LPGAT1: variants seen among roughly 807,000 people sequenced by gnomAD.
LPGAT1 encodes lysophosphatidylglycerol acyltransferase 1, also known as acyl-CoA:lysophosphatidylglycerol acyltransferase 1.
A neutral mutation model predicts 47.5 loss-of-function variants in LPGAT1; 11 were observed. That is an observed-to-expected ratio of 0.23 (90% CI 0.15 to 0.38). The LOEUF is 0.38. Ranked by LOEUF, LPGAT1 falls within the 10% of genes least tolerant of loss-of-function variation. The pLI, the probability that LPGAT1 is intolerant of heterozygous loss-of-function variation, is 1.00. For synonymous variants in LPGAT1, 138 were observed against 144.2 expected, an observed-to-expected ratio of 0.96 and a Z score of 0.31; for missense variants, 293 against 439.0, an observed-to-expected ratio of 0.67 and a Z score of 2.97.
At chr1:211,822,650 T>C (rs10863926) in intron 2 of LPGAT1, among the ~76,000 whole-genome samples, 148,301 of 152,062 alleles carry the variant, frequency 0.98, 72,331 homozygotes, top group East Asian at 1. Context: ...TGGTGGTACA[T>C]GCCTGTAATC....
intron 6 of LPGAT1, 68 bp from the exon 7 acceptor site, chr1:211,751,135 A>C: frequency 2.0e-6 from 2 of 981,846 alleles, no homozygotes; most frequent in Non-Finnish European, 3.1e-6. Context: ...CAGAACCACA[A>C]CTTATGATGA....
chr1:211,779,249 C>T (rs112044608), intron 5 of LPGAT1, among the ~76,000 whole-genome samples: 1 of 151,942 alleles, frequency 6.6e-6, no homozygotes, highest in Non-Finnish European at 1.5e-5. Flanking sequence ...GGATGAACCT[C>T]GAAACAAAGA....
chr1:211,829,731 G>T (rs1048752758), intron 1 of LPGAT1: 2 of 1,013,104 alleles, frequency 2.0e-6, no homozygotes, highest in Non-Finnish European at 1.2e-6. Flanking sequence ...CCCTCAATAA[G>T]ATTTCCCAGA....
chr1:211,829,502 G>A lies in LPGAT1; in HGVS notation c.-27-179C>T. On this transcript the variant is annotated intron_variant, in intron 1 of 7. Transcript: ENST00000366997. ...GAGGGGGACAGAGAGCGAGGGAGGA[G>A]GAGCCGCACAAGGTCAAGGGAGCTG... 4.2e-6 allele frequency: 6 copies of A among 1,428,930 alleles called. No individual in the cohort carries two copies. The South Asian group carries it at 9.1e-5, about 22-fold the overall frequency. The allele number at this position is 1,428,930 out of a possible 1,614,324, so 88.5% of individuals were successfully genotyped here.
intron 2 of LPGAT1, among the ~76,000 whole-genome samples, chr1:211,826,798 G>C (rs1369869604): frequency 6.6e-6 from 1 of 152,106 alleles, no homozygotes; most frequent in Non-Finnish European, 1.5e-5. Flanking sequence ...TCTAAAACAT[G>C]AACATACTTA....
intron 2 of LPGAT1, among the ~76,000 whole-genome samples, chr1:211,800,187 C>A (rs1659517616): frequency 6.9e-6 from 1 of 145,488 alleles, no homozygotes. Flanking sequence ...GGTATGTGTC[C>A]AGCTAATTTT....
At position 211,748,073 on chromosome 1, in the gene LPGAT1, T is replaced by A. The variant is rs1336728465; in HGVS notation, c.*1826A>T. 1 of 151,632 alleles carries A rather than the reference T, an allele frequency of 6.6e-6. No homozygotes were observed. Among genetic ancestry groups the A allele is most frequent in the Non-Finnish European group, 1.5e-5 (1 of 67,638 alleles). 9.4% of individuals were successfully genotyped at this position (151,632 alleles called of 1,614,324 possible). ...CCCACATAACTGGGGAAAATTCACA[T>A]CTTTTCTGTTTTTTTTTGGTTTATT... On this transcript the variant is annotated 3_prime_UTR_variant, in exon 8 of 8. Transcript: ENST00000366997.
At position 211,778,354 on chromosome 1, in the gene LPGAT1, A is replaced by C. The variant is rs957953190; in HGVS notation, c.854+564T>G. Among the ~76,000 whole-genome samples the C allele has an allele frequency of 4.6e-5, 7 of 150,942 alleles. 1 individual carries two copies. The highest frequency in any genetic ancestry group is 1.5e-4 in the African/African-American group (6 of 41,070). On this transcript the variant is annotated intron_variant, in intron 6 of 7. Transcript: ENST00000366997. ...GAGACTCTGTCTCAAAAAAAAAAAA[A>C]AAAAAAAAAAAAAAAAAAAAGGAAG...
chr1:211,770,450 T>C, intron 6 of LPGAT1, among the ~76,000 whole-genome samples: 1 of 152,156 alleles, frequency 6.6e-6, no homozygotes, highest in Non-Finnish European at 1.5e-5. Flanking sequence ...TTCTTCTGGG[T>C]TTTAAATACT....
chr1:211,791,025 G>A (rs1659089846), intron 3 of LPGAT1, among the ~76,000 whole-genome samples: 1 of 152,070 alleles, frequency 6.6e-6, no homozygotes, highest in Non-Finnish European at 1.5e-5. Flanking sequence ...TGAACTTAGA[G>A]GACAGGCAAT....
At chr1:211,819,882 G>A (rs1295180469) in intron 2 of LPGAT1, among the ~76,000 whole-genome samples, 1 of 151,662 alleles carries the variant, frequency 6.6e-6, no homozygotes, top group Non-Finnish European at 1.5e-5. Flanking sequence ...CTACTCGGGA[G>A]GCTGAGGCAG....
At position 211,787,508 on chromosome 1, in the gene LPGAT1, A is replaced by G. The variant is rs1658933264; in HGVS notation, c.453+124T>C. Reference sequence around the variant, plus strand: ...GTCTCTCAAAAAAAAAAAAAAAAAAAAGCTCCCTAAGACTGGTTAGAAGCA... The same window carrying G: ...GTCTCTCAAAAAAAAAAAAAAAAAAGAGCTCCCTAAGACTGGTTAGAAGCA... On this transcript the variant is annotated intron_variant, in intron 4 of 7. Coordinates refer to ENST00000366997, the MANE Select transcript of LPGAT1 (RefSeq NM_014873.3). 7 of 424,492 alleles carry G rather than the reference A, an allele frequency of 1.6e-5. No individual in the cohort carries two copies. The South Asian group carries it at 3.0e-4, about 18-fold the overall frequency. The allele number at this position is 424,492 out of a possible 1,614,324, so 26.3% of individuals were successfully genotyped here.
intron 2 of LPGAT1, among the ~76,000 whole-genome samples, chr1:211,818,404 C>A (rs1251098180): frequency 2.0e-5 from 3 of 152,102 alleles, no homozygotes; most frequent in Non-Finnish European, 2.9e-5. Context: ...GGAACAAGGG[C>A]TCAGCATGGC....
rs1657054367 is a variant in LPGAT1 at position 211,748,879 on chromosome 1, A to G, written c.*1020T>C. 1 of 152,480 alleles carries G rather than the reference A, an allele frequency of 6.6e-6. No homozygotes were observed. Among genetic ancestry groups the G allele is most frequent in the Non-Finnish European group, 1.5e-5 (1 of 68,030 alleles). The allele number at this position is 152,480 out of a possible 1,614,324, so 9.4% of individuals were successfully genotyped here. A position where few individuals can be genotyped will look rare whatever the true frequency, so the allele number is the denominator to read the frequency against. ...ATAAGCCACTAGCTCTTATTTTTCT[A>G]TAAACTAGCCTATTTCCCCTTAAAC... On this transcript the variant is annotated 3_prime_UTR_variant, in exon 8 of 8. Transcript: ENST00000366997.
At chr1:211,754,367 C>T (rs761632613) in intron 6 of LPGAT1, among the ~76,000 whole-genome samples, 7 of 152,186 alleles carry the variant, frequency 4.6e-5, no homozygotes, top group Non-Finnish European at 8.8e-5. Flanking sequence ...CCACAGCTGG[C>T]TTGGGGTTCT....
At position 211,830,599 on chromosome 1, in the gene LPGAT1, G is replaced by A. The variant is rs1571780100; in HGVS notation, c.-54C>T. 3 of 1,209,162 alleles carry A rather than the reference G, an allele frequency of 2.5e-6. No homozygotes were observed. The highest frequency in any genetic ancestry group is 3.2e-4 in the Middle Eastern group (1 of 3,082). 74.9% of individuals were successfully genotyped at this position (1,209,162 alleles called of 1,614,324 possible). On this transcript the variant is annotated 5_prime_UTR_variant, in exon 1 of 8. Transcript: ENST00000366997. This position sits in a 1 kb window ranked among gnomAD's most constrained non-coding sequence, Gnocchi z 5.9. ...TCGGGCTGGCCGGGCCCCAGCCGGG[G>A]CTTTGGGAGTCAGAGGAGCCGGAAG... is the stretch of plus-strand genomic sequence containing the variant.
intron 2 of LPGAT1, among the ~76,000 whole-genome samples, chr1:211,808,350 C>CAAAAA (rs34803941): frequency 1.6e-5 from 2 of 122,732 alleles, no homozygotes; most frequent in African/African-American, 2.9e-5. Flanking sequence ...AACTCCGTCT[C>CAAAAA]AAAAAAAAAA....
chr1:211,825,442 G>T (rs76932297), intron 2 of LPGAT1, among the ~76,000 whole-genome samples: 3,546 of 151,982 alleles, frequency 0.023, 146 homozygotes, highest in African/African-American at 0.08. Context: ...TAAATAAATA[G>T]AATACATTTT....
rs1442124636 is a variant in LPGAT1, at chr1:211,830,077, G to A, written c.-28+496C>T. ...CAAGGAAGCAGGGGATGATGAAAGGGGCAGAGAAGAGGCGACCGCAGCGCG... is the reference window on the plus strand; with the variant it reads ...CAAGGAAGCAGGGGATGATGAAAGGAGCAGAGAAGAGGCGACCGCAGCGCG... On this transcript the variant is annotated intron_variant, in intron 1 of 7. Coordinates refer to ENST00000366997, the MANE Select transcript of LPGAT1 (RefSeq NM_014873.3). This position sits in a 1 kb window ranked among gnomAD's most constrained non-coding sequence, Gnocchi z 5.9. 2 of 984,418 alleles carry A rather than the reference G, an allele frequency of 2.0e-6. No homozygotes were observed. Among genetic ancestry groups the A allele is most frequent in the Non-Finnish European group, 2.4e-6 (2 of 830,040 alleles). The allele number at this position is 984,418 out of a possible 1,614,324, so 61.0% of individuals were successfully genotyped here.
Sources: gnomAD v4.1 joint callset for allele counts (sites outside exome capture counted in the v4.1 genomes callset) on GRCh38, gnomAD v4.1.1 for gene constraint, Gnocchi (gnomAD v3.1) non-coding constraint, MANE v1.5 for transcripts, NCBI Gene and HGNC (gene_info 2026-07-23, HGNC 2026-07-21) for gene names.